PDIA3: variants seen among roughly 807,000 people sequenced by gnomAD.
The protein encoded by PDIA3 is protein disulfide isomerase family A member 3, also known as protein disulfide-isomerase A3.
A neutral mutation model predicts 56.9 loss-of-function variants in PDIA3; 16 were observed. That is an observed-to-expected ratio of 0.28 (90% CI 0.19 to 0.43). The LOEUF is 0.43. PDIA3 is among the 20% of genes least tolerant of loss of function. The probability of loss-of-function intolerance (pLI) is 1.00; values close to 1 mark genes in which losing one functional copy is unlikely to be tolerated. For synonymous variants in PDIA3, 192 were observed against 216.5 expected (o/e 0.89, Z 0.99); for missense variants, 485 against 621.3 (o/e 0.78, Z 2.33).
At position 43,770,371 on chromosome 15, in the gene PDIA3, T is replaced by A. The variant is rs376413639; in HGVS notation, c.1346+42T>A. 7.2e-6 allele frequency: 11 copies of A among 1,526,328 alleles called. No individual in the cohort carries two copies. The African/African-American group carries it at 1.1e-4, about 15-fold the overall frequency. The allele number at this position is 1,526,328 out of a possible 1,614,324, so 94.5% of individuals were successfully genotyped here. A position where few individuals can be genotyped will look rare whatever the true frequency, so the allele number is the denominator to read the frequency against. Reference sequence around the variant, plus strand: ...TTAACAAAAGTGTCTAGGCAATAGATAGGAATAAAGCTTGTAACCACCAGG... The same window carrying A: ...TTAACAAAAGTGTCTAGGCAATAGAAAGGAATAAAGCTTGTAACCACCAGG... On this transcript the variant is annotated intron_variant, in intron 11 of 12. Transcript: ENST00000300289.
intron 1 of PDIA3, among the ~76,000 whole-genome samples, chr15:43,749,965 CTT>C (rs78387330): frequency 2.8e-5 from 4 of 141,704 alleles, no homozygotes; most frequent in Non-Finnish European, 3.1e-5. Context: ...GTAAAATGGG[CTT>C]TTTTTTTTTT....
intron 4 of PDIA3, 152 bp downstream of exon 4, chr15:43,761,683 T>A (rs1271561052): frequency 3.8e-6 from 2 of 529,274 alleles, no homozygotes; most frequent in Admixed American, 7.0e-5. Flanking sequence ...ATTACTATAA[T>A]GTACTATATA....
rs1043144420 is a variant in PDIA3 at position 43,754,003 on chromosome 15, G to C, written c.246+101G>C. 11 of 797,680 alleles carry C rather than the reference G, an allele frequency of 1.4e-5. No individual in the cohort carries two copies. In the African/African-American group the frequency reaches 1.9e-4, roughly 14 times the overall value. 49.4% of individuals were successfully genotyped at this position (797,680 alleles called of 1,614,324 possible). On this transcript the variant is annotated intron_variant, in intron 2 of 12. Coordinates refer to ENST00000300289, the MANE Select transcript of PDIA3 (RefSeq NM_005313.5). ...TGGAAAAAAATAACAGTAATAAATA[G>C]TTTGTAAGATTAACATTCATTTTCT...
At chr15:43,767,769 C>CAA (rs11294471) in intron 8 of PDIA3, among the ~76,000 whole-genome samples, 15 of 73,416 alleles carry the variant, frequency 2.0e-4, no homozygotes, top group East Asian at 1.5e-3. Flanking sequence ...GACTCTGTCT[C>CAA]AAAAAAAAAA....
chr15:43,753,966 A>T, intron 2 of PDIA3, 64 bp downstream of exon 2: 1 of 1,113,356 alleles, frequency 9.0e-7, no homozygotes. Context: ...TTGTTGTCTC[A>T]GCTTTGTTAC....
At chr15:43,766,060 T>C (rs753760066) in intron 7 of PDIA3, 48 bp downstream of exon 7, 60 of 1,556,532 alleles carry the variant, frequency 3.9e-5, no homozygotes, top group Admixed American at 1.8e-4. Flanking sequence ...ACCCAATGTA[T>C]AGACAGTCCC....
intron 1 of PDIA3, chr15:43,752,819 C>T (rs147340713): frequency 8.5e-6 from 4 of 471,036 alleles, no homozygotes; most frequent in Admixed American, 7.0e-5. Flanking sequence ...AACTCACCTT[C>T]TCAACGTGAT....
At chr15:43,749,174 A>C (rs1161399723) in intron 1 of PDIA3, among the ~76,000 whole-genome samples, 2 of 150,968 alleles carry the variant, frequency 1.3e-5, no homozygotes, top group Admixed American at 6.6e-5. Context: ...GCTCACTGCA[A>C]CCTCCGCCTC....
Position 43,772,546 on chromosome 15 carries a change from G to T in PDIA3, c.*1328G>T, listed in dbSNP as rs2086887655. 1 of 152,206 alleles carries T rather than the reference G, an allele frequency of 6.6e-6. No individual in the cohort carries two copies. Among genetic ancestry groups the T allele is most frequent in the Non-Finnish European group, 1.5e-5 (1 of 68,048 alleles). The allele number at this position is 152,206 out of a possible 1,614,324, so 9.4% of individuals were successfully genotyped here. Reference sequence around the variant, plus strand: ...CAAAAGTGGCTCAGATGTAAAGCCAGGGTTAAGAACCATCTGCCTTGGAAG... The same window carrying T: ...CAAAAGTGGCTCAGATGTAAAGCCATGGTTAAGAACCATCTGCCTTGGAAG... On this transcript the variant is annotated 3_prime_UTR_variant, in exon 13 of 13. Coordinates refer to ENST00000300289, the MANE Select transcript of PDIA3 (RefSeq NM_005313.5).
intron 1 of PDIA3, among the ~76,000 whole-genome samples, chr15:43,750,772 C>CAA (rs900392033): frequency 3.0e-5 from 4 of 135,020 alleles, no homozygotes; most frequent in African/African-American, 1.1e-4. Flanking sequence ...GACTCCTTCT[C>CAA]AAAAAAAAAA....
At chr15:43,764,404 T>C (rs752517103) in intron 5 of PDIA3, among the ~76,000 whole-genome samples, 20 of 152,096 alleles carry the variant, frequency 1.3e-4, no homozygotes, top group Non-Finnish European at 2.4e-4. Flanking sequence ...GGGGTGAGTA[T>C]AAAAAAATGT....
Position 43,746,686 on chromosome 15 carries a change from C to T in PDIA3, c.147C>T (p.Leu49=), listed in dbSNP as rs541287116. 17 of 1,612,948 alleles carry T rather than the reference C, an allele frequency of 1.1e-5. No homozygotes were observed. Among genetic ancestry groups the T allele is most frequent in the East Asian group, 6.7e-5 (3 of 44,880 alleles). ...ACACGGGCTCTGCGGGCCTCATGCT[C>T]GTCGAGTTCTTCGCCCCCTGGTGAG... The part of the protein sequence containing the change: ...ISDTGSAGLM[L]VEFFAPWCGH... The change falls in exon 1 of 13, where the codon CTC becomes CTT. Residue 49 remains leucine (L), a synonymous_variant. Coordinates refer to ENST00000300289, the MANE Select transcript of PDIA3 (RefSeq NM_005313.5).
chr15:43,768,503 C>G lies in PDIA3; in HGVS notation c.1043C>G (p.Ala348Gly). The change falls in exon 9 of 13, where the codon GCT becomes GGT. Residue 348 changes from alanine to glycine, a missense_variant. Transcript: ENST00000300289. ...TCCAATTGTAGGCGTGATGGGAAGG[C>G]TCTGGAGAGGTTCCTGCAGGATTAC... ...MQEEFSRDGK[A>G]LERFLQDYFD... The G allele has an allele frequency of 6.2e-7, 1 of 1,613,042 alleles. No homozygotes were observed. The highest frequency in any genetic ancestry group is 8.5e-7 in the Non-Finnish European group (1 of 1,179,046).
chr15:43,748,347 A>C (rs1449414715), intron 1 of PDIA3, among the ~76,000 whole-genome samples: 3 of 152,084 alleles, frequency 2.0e-5, no homozygotes, highest in African/African-American at 7.2e-5. Context: ...GCATAGTGGC[A>C]CATGCCTGTA....
At position 43,767,011 on chromosome 15, in the gene PDIA3, G is replaced by A. The variant is rs2086851324; in HGVS notation, c.1028+101G>A. On this transcript the variant is annotated intron_variant, in intron 8 of 12. Transcript: ENST00000300289. The stretch of plus-strand genomic sequence containing the variant: ...CAATAACCCTGGAATGTGAAGATAG[G>A]TCTTTTAATCAAGACCTATGACTGT... The A allele has an allele frequency of 3.7e-6, 4 of 1,079,732 alleles. No homozygotes were observed. The African/African-American group carries it at 6.3e-5, about 17-fold the overall frequency. 66.9% of individuals were successfully genotyped at this position (1,079,732 alleles called of 1,614,324 possible). A position where few individuals can be genotyped will look rare whatever the true frequency, so the allele number is the denominator to read the frequency against.
Position 43,765,580 on chromosome 15 carries a change from T to G in PDIA3, c.719+14T>G. 2 of 1,384,268 alleles carry G rather than the reference T, an allele frequency of 1.4e-6. No individual in the cohort carries two copies. Among genetic ancestry groups the G allele is most frequent in the East Asian group, 4.6e-5 (2 of 43,794 alleles). 85.7% of individuals were successfully genotyped at this position (1,384,268 alleles called of 1,614,324 possible). A position where few individuals can be genotyped will look rare whatever the true frequency, so the allele number is the denominator to read the frequency against. On this transcript the variant is annotated intron_variant, in intron 6 of 12. Transcript: ENST00000300289. The stretch of plus-strand genomic sequence containing the variant: ...CCAGGAAAACATGTGAGTACTTCTT[T>G]GTATCTTGTCTGGGATTTATTTGCT...
At chr15:43,768,025 C>G (rs564410373) in intron 8 of PDIA3, among the ~76,000 whole-genome samples, 10 of 152,214 alleles carry the variant, frequency 6.6e-5, no homozygotes, top group Admixed American at 2.0e-4. Context: ...ACCATTCCCC[C>G]CCCTCATCCC....
intron 1 of PDIA3, 48 bp downstream of exon 1, chr15:43,746,754 G>A: frequency 6.2e-7 from 1 of 1,600,598 alleles, no homozygotes; most frequent in African/African-American, 1.3e-5. Context: ...GGCTGGGCCG[G>A]GGGCGAGAGC....
chr15:43,769,611 A>C lies in PDIA3; in HGVS notation c.1231A>C (p.Asn411His). 1 of 1,613,950 alleles carries C rather than the reference A, an allele frequency of 6.2e-7. No individual in the cohort carries two copies. The highest frequency in any genetic ancestry group is 2.2e-5 in the East Asian group (1 of 44,874). ...TGCCCCTTGGTGTGGTCACTGTAAG[A>C]ACCTGGAGCCCAAGTATAAAGAACT... is the stretch of plus-strand genomic sequence containing the variant. Reference protein sequence around the residue: ...FYAPWCGHCKNLEPKYKELGE... With the variant: ...FYAPWCGHCKHLEPKYKELGE... The change falls in exon 10 of 13, where the codon AAC becomes CAC. Residue 411 changes from asparagine (N) to histidine (H), a missense_variant. Coordinates refer to ENST00000300289, the MANE Select transcript of PDIA3 (RefSeq NM_005313.5).
Sources: allele counts gnomAD v4.1 joint callset (sites outside exome capture counted in the v4.1 genomes callset), GRCh38; gene constraint gnomAD v4.1.1; transcripts MANE v1.5; gene names NCBI Gene and HGNC (gene_info 2026-07-23, HGNC 2026-07-21).